JAM2: variants seen among roughly 807,000 people sequenced by gnomAD.
JAM2 encodes junctional adhesion molecule 2.
In JAM2, 17 loss-of-function variants were observed where a neutral mutation model predicts 42.0. The ratio of observed to expected loss-of-function variants is 0.40; its 90% CI spans 0.28 to 0.61. JAM2 has a LOEUF of 0.61. Among genes scored for constraint, JAM2 ranks in the 20% least tolerant of loss-of-function variants. JAM2 has a pLI of 0.37. For synonymous variants in JAM2, 118 were observed against 128.6 expected (o/e 0.92, Z 0.56); for missense variants, 319 against 358.3 (o/e 0.89, Z 0.89).
chr21:25,659,712 A>C (rs2033029269), intron 1 of JAM2, among the ~76,000 whole-genome samples: 1 of 152,252 alleles, frequency 6.6e-6, no homozygotes, highest in African/African-American at 2.4e-5. Context: ...GATTTGGATC[A>C]AAGAGCTTTA....
intron 1 of JAM2, among the ~76,000 whole-genome samples, chr21:25,663,387 T>C (rs1274520834): frequency 6.6e-6 from 1 of 152,206 alleles, no homozygotes; most frequent in African/African-American, 2.4e-5. Context: ...TTCATCCTTG[T>C]CAATTTCCCT....
chr21:25,675,896 A>C (rs1047217966), intron 1 of JAM2, among the ~76,000 whole-genome samples: 1 of 152,086 alleles, frequency 6.6e-6, no homozygotes, highest in African/African-American at 2.4e-5. Context: ...CATGGCCATA[A>C]ATTTTTATTT....
At chr21:25,696,210 A>AC (rs1412223809) in intron 4 of JAM2, among the ~76,000 whole-genome samples, 6 of 152,010 alleles carry the variant, frequency 3.9e-5, no homozygotes, top group Admixed American at 3.9e-4. Context: ...ACATAGCGAA[A>AC]CCCCGTCTCC....
chr21:25,685,814 C>T (rs1410859844), intron 2 of JAM2, among the ~76,000 whole-genome samples: 2 of 151,982 alleles, frequency 1.3e-5, no homozygotes, highest in African/African-American at 2.4e-5. Flanking sequence ...GCACAGAGTG[C>T]GAGAGGGGTA....
At chr21:25,690,099 A>C in intron 3 of JAM2, 126 bp downstream of exon 3, 1 of 653,932 alleles carries the variant, frequency 1.5e-6, no homozygotes, top group Non-Finnish European at 2.7e-6. Flanking sequence ...GTGTGAGATG[A>C]AAGCAACCAT....
chr21:25,655,350 A>ATTTTTTTTTTTT (rs751257378), intron 1 of JAM2, among the ~76,000 whole-genome samples: 23 of 100,228 alleles, frequency 2.3e-4, no homozygotes, highest in South Asian at 7.0e-4. Context: ...CTGAAATTCT[A>ATTTTTTTTTTTT]TTTTTTTTTT....
At chr21:25,644,298 TTAAAC>T (rs1218527123) in intron 1 of JAM2, 4 of 152,282 alleles carry the variant, frequency 2.6e-5, no homozygotes, top group Admixed American at 2.6e-4. Flanking sequence ...ATTGATTGTC[TTAAAC>T]TTCTAGAGGT....
chr21:25,682,145 A>C (rs991645664), intron 1 of JAM2, among the ~76,000 whole-genome samples: 1 of 152,162 alleles, frequency 6.6e-6, no homozygotes. Flanking sequence ...CACTGTTCTG[A>C]GTGTTTGCGT....
At chr21:25,640,529 A>C (rs2032405123) in intron 1 of JAM2, among the ~76,000 whole-genome samples, 1 of 152,196 alleles carries the variant, frequency 6.6e-6, no homozygotes, top group African/African-American at 2.4e-5. Flanking sequence ...GATTGTTAGA[A>C]AGATTCAGAA....
chr21:25,707,794 T>G (rs2034302003), intron 7 of JAM2, among the ~76,000 whole-genome samples: 1 of 152,106 alleles, frequency 6.6e-6, no homozygotes, highest in Admixed American at 6.5e-5. Context: ...CATATACAAG[T>G]TCTAGACCCA....
chr21:25,692,302 T>C (rs2033900990), intron 3 of JAM2: 1 of 157,482 alleles, frequency 6.3e-6, no homozygotes, highest in Non-Finnish European at 1.4e-5. Flanking sequence ...AATGTAGATA[T>C]TGATGGGTTT....
chr21:25,713,168 A>G (rs1013483790), intron 9 of JAM2, among the ~76,000 whole-genome samples: 1 of 152,216 alleles, frequency 6.6e-6, no homozygotes, highest in Non-Finnish European at 1.5e-5. Flanking sequence ...ATTAGGGATT[A>G]GGTTTCAACA....
intron 1 of JAM2, among the ~76,000 whole-genome samples, chr21:25,647,663 CA>C (rs1173087991): frequency 6.6e-6 from 1 of 152,064 alleles, no homozygotes; most frequent in African/African-American, 2.4e-5. Context: ...AATAAACTTC[CA>C]AACCAGTAAC....
rs753746040 is a variant in JAM2 at position 25,709,316 on chromosome 21, G to A, written c.806-118G>A. On this transcript the variant is annotated intron_variant, in intron 7 of 9. Transcript: ENST00000480456. Reference sequence around the variant, plus strand: ...AACTCTTAATTTAGAAGGTATAAACGTCAGCAAGTGAAGATTAAAATTAAT... The same window carrying A: ...AACTCTTAATTTAGAAGGTATAAACATCAGCAAGTGAAGATTAAAATTAAT... 9.9e-4 allele frequency: 562 copies of A among 566,548 alleles called. 6 individuals are homozygous for A. Among genetic ancestry groups the A allele is most frequent in the Middle Eastern group, 5.2e-4 (1 of 1,940 alleles). The allele number at this position is 566,548 out of a possible 1,614,324, so 35.1% of individuals were successfully genotyped here.
chr21:25,696,072 C>T (rs1245257186), intron 4 of JAM2, among the ~76,000 whole-genome samples: 1 of 152,196 alleles, frequency 6.6e-6, no homozygotes, highest in Non-Finnish European at 1.5e-5. Context: ...GCCGAGATCA[C>T]GCCACTGCAC....
chr21:25,664,693 T>C (rs1308747168), intron 1 of JAM2, among the ~76,000 whole-genome samples: 1 of 152,254 alleles, frequency 6.6e-6, no homozygotes, highest in Non-Finnish European at 1.5e-5. Flanking sequence ...ATCTCTTACA[T>C]GGTTTCCTCT....
chr21:25,682,895 G>A (rs1349412010), intron 1 of JAM2, among the ~76,000 whole-genome samples: 1 of 152,044 alleles, frequency 6.6e-6, no homozygotes, highest in African/African-American at 2.4e-5. Flanking sequence ...AACTCCTCTC[G>A]GTGTTCAGAC....
intron 1 of JAM2, chr21:25,643,505 G>C (rs1292811061): frequency 2.0e-5 from 3 of 152,150 alleles, no homozygotes; most frequent in Admixed American, 6.5e-5. Context: ...AAATCACAAG[G>C]TTCTGCCTTT....
At chr21:25,664,176 G>A (rs113911705) in intron 1 of JAM2, among the ~76,000 whole-genome samples, 2,348 of 152,100 alleles carry the variant, frequency 0.015, 45 homozygotes, top group African/African-American at 0.053. Flanking sequence ...TCATTGTATC[G>A]CCAATAATTT....
Sources: gnomAD v4.1 joint callset for allele counts (sites outside exome capture counted in the v4.1 genomes callset) on GRCh38, gnomAD v4.1.1 for gene constraint, MANE v1.5 for transcripts, NCBI Gene and HGNC (gene_info 2026-07-23, HGNC 2026-07-21) for gene names.